Variants in TRMT2B observed in about 807,000 individuals in gnomAD.
The protein encoded by TRMT2B is tRNA methyltransferase 2B.
A neutral mutation model predicts 39.7 loss-of-function variants in TRMT2B; 34 were observed. The ratio of observed to expected loss-of-function variants is 0.86; its 90% confidence interval spans 0.65 to 1.14. TRMT2B has a LOEUF of 1.14. Ranked by LOEUF, TRMT2B falls within the 50% of genes most tolerant of loss-of-function variation. TRMT2B has a pLI of 0.00. For synonymous variants in TRMT2B, 132 were observed against 137.3 expected (o/e 0.96, Z 0.27); for missense variants, 318 against 377.2 (o/e 0.84, Z 1.30).
rs2086205627 is a variant in TRMT2B, at chrX:101,010,598, G to A, written c.1498C>T (p.Leu500Phe). ...GAGGCTGCTTATCGAGTAAAGAGGA[G>A]CACCAGCTCACAATGTGGGGTGTGA... ...FPHTPHCELV[L>F]LFTR The change falls in exon 14 of 14, where the codon CTC (leucine) becomes TTC (phenylalanine). Residue 500 changes from leucine (L) to phenylalanine (F), a missense_variant. Transcript: ENST00000372936. 4.1e-6 allele frequency: 5 copies of A among 1,209,359 alleles called. No homozygotes were observed. The highest frequency in any genetic ancestry group is 5.6e-6 in the Non-Finnish European group (5 of 895,004).
intron 6 of TRMT2B, among the ~76,000 whole-genome samples, chrX:101,036,444 C>CAAAA (rs776144105): frequency 6.0e-4 from 13 of 21,737 alleles, no homozygotes; most frequent in Non-Finnish European, 8.0e-4. Context: ...GACTCCATCT[C>CAAAA]AAAAAAAAAA....
the TRMT2B span, chrX:100,974,243 C>A: frequency 2.1e-6 from 2 of 967,363 alleles, no homozygotes; most frequent in Non-Finnish European, 1.4e-6. Flanking sequence ...CTCCCATGGA[C>A]CCCAGAATCC....
At chrX:101,038,755 T>A (rs955540122) in intron 4 of TRMT2B, among the ~76,000 whole-genome samples, 15 of 111,885 alleles carry the variant, frequency 1.3e-4, no homozygotes, top group East Asian at 2.8e-4. Flanking sequence ...AATACTTTTT[T>A]AATTTTTTTT....
intron 13 of TRMT2B, among the ~76,000 whole-genome samples, chrX:101,017,911 G>C (rs1318072109): frequency 8.9e-6 from 1 of 111,960 alleles, no homozygotes; most frequent in Admixed American, 9.6e-5. Context: ...TGTTCATCAT[G>C]AATTATTTTG....
chrX:101,039,897 T>TA (rs375388228), intron 4 of TRMT2B, among the ~76,000 whole-genome samples: 376 of 96,042 alleles, frequency 3.9e-3, no homozygotes, highest in African/African-American at 0.012. Flanking sequence ...AGACGCTATC[T>TA]AAAAAAAAAA....
At chrX:100,977,489 T>C in the TRMT2B span, among the ~76,000 whole-genome samples, 1 of 106,937 alleles carries the variant, frequency 9.4e-6, no homozygotes, top group East Asian at 3.0e-4. Context: ...CAAGCAATTC[T>C]CCTACCTCAG....
chrX:101,020,827 G>A (rs984543278), intron 10 of TRMT2B, among the ~76,000 whole-genome samples: 3 of 111,344 alleles, frequency 2.7e-5, no homozygotes, highest in Non-Finnish European at 5.7e-5. Context: ...ACGCCACTAT[G>A]CCCAGCTAAT....
At position 101,037,989 on chromosome X, in the gene TRMT2B, A is replaced by G. The variant is rs1316646270; in HGVS notation, c.366T>C (p.Asn122=). ...GTACAGCCGTTGTCACACTGACTCC[A>G]TTGAGCATTTGGATGTAAGACTCTA... is the stretch of plus-strand genomic sequence containing the variant. ...QRLESYIQML[N]GVSVTTAVPK... Residue 122 remains asparagine, a synonymous_variant, in exon 5 of 14, where the codon AAT becomes AAC. Transcript: ENST00000372936. 3 of 1,209,158 alleles carry G rather than the reference A, an allele frequency of 2.5e-6. No individual in the cohort carries two copies. The highest frequency in any genetic ancestry group is 3.5e-5 in the African/African-American group (2 of 57,670).
At chrX:100,996,148 G>A in the TRMT2B span, among the ~76,000 whole-genome samples, 1 of 109,710 alleles carries the variant, frequency 9.1e-6, no homozygotes, top group Non-Finnish European at 1.9e-5. Flanking sequence ...AGGTCATTAT[G>A]TTAAATGAAA....
At position 101,051,930 on chromosome X, in the gene TRMT2B, G is replaced by A. The variant is rs1441303928; in HGVS notation, c.-620C>T. 1 of 122,210 alleles carries A rather than the reference G, an allele frequency of 8.2e-6. No individual in the cohort carries two copies. The highest frequency in any genetic ancestry group is 3.2e-5 in the African/African-American group (1 of 30,981). 10.1% of individuals were successfully genotyped at this position (122,210 alleles called of 1,213,427 possible). On this transcript the variant is annotated 5_prime_UTR_variant, in exon 1 of 14. Coordinates refer to ENST00000372936, the MANE Select transcript of TRMT2B (RefSeq NM_024917.6). ...CCCGCCGCACGCGCAGCCAACCCTT[G>A]GCAAGCGCGGCGGGACACGGGGCTC...
At chrX:100,990,764 A>AT in the TRMT2B span, 4 of 443,100 alleles carry the variant, frequency 9.0e-6, no homozygotes, top group Non-Finnish European at 1.5e-5. Context: ...AGAAATAAGT[A>AT]TTTTTTTCTT....
downstream of TRMT2B, among the ~76,000 whole-genome samples, chrX:101,005,931 A>T (rs746648823): frequency 2.0e-5 from 2 of 101,123 alleles, no homozygotes; most frequent in South Asian, 9.4e-4. Context: ...AAAAAGAAAA[A>T]GAATGTGGGC....
the TRMT2B span, among the ~76,000 whole-genome samples, chrX:100,977,212 T>C: frequency 9.0e-6 from 1 of 111,062 alleles, no homozygotes; most frequent in African/African-American, 3.3e-5. Context: ...TCACTTACTC[T>C]AAATGTACAA....
intron 8 of TRMT2B, among the ~76,000 whole-genome samples, chrX:101,022,666 G>T (rs920512691): frequency 5.5e-5 from 6 of 109,032 alleles, no homozygotes; most frequent in Non-Finnish European, 9.5e-5. Context: ...GTGTGGTGAC[G>T]TATGCCTGTA....
At position 101,037,063 on chromosome X, in the gene TRMT2B, T is replaced by C. The variant is rs758839212; in HGVS notation, c.449A>G (p.Asn150Ser). The C allele has an allele frequency of 4.0e-5, 48 of 1,205,841 alleles. No homozygotes were observed. Among genetic ancestry groups the C allele is most frequent in the Admixed American group, 1.3e-4 (6 of 45,543 alleles). ...LHPIIPSPVI[N>S]GYRNKSTFSV... is the part of the protein sequence containing the mutation. ...GAAGGTGGACTTATTTCGGTAACCATTGATGACAGGCTGGAGAGGGCAGAA... is the reference window on the plus strand; with the variant it reads ...GAAGGTGGACTTATTTCGGTAACCACTGATGACAGGCTGGAGAGGGCAGAA... Residue 150 changes from asparagine to serine, a missense_variant, in exon 6 of 14, where the codon AAT (asparagine) becomes AGT (serine). Physicochemically the swap from Asn to Ser is conservative, Grantham distance 46 (BLOSUM62 1). Coordinates refer to ENST00000372936, the MANE Select transcript of TRMT2B (RefSeq NM_024917.6).
the TRMT2B span, chrX:100,990,908 G>A: frequency 2.8e-5 from 5 of 177,620 alleles, no homozygotes; most frequent in Non-Finnish European, 4.2e-5. Flanking sequence ...TGTCTGTGAA[G>A]CCCAGAACAA....
intron 7 of TRMT2B, among the ~76,000 whole-genome samples, chrX:101,025,768 G>A (rs1469673488): frequency 4.5e-5 from 5 of 110,745 alleles, no homozygotes; most frequent in Non-Finnish European, 1.9e-5. Context: ...AGACCAGCCT[G>A]ACCAACATGG....
chrX:101,031,711 GAA>G (rs35274868), intron 7 of TRMT2B, among the ~76,000 whole-genome samples: 186 of 84,034 alleles, frequency 2.2e-3, no homozygotes, highest in Middle Eastern at 6.3e-3. Flanking sequence ...TCTGTCGTAG[GAA>G]AAAAAAAAAA....
At chrX:101,012,453 C>T (rs772764383) in intron 13 of TRMT2B, among the ~76,000 whole-genome samples, 1 of 105,316 alleles carries the variant, frequency 9.5e-6, no homozygotes, top group Admixed American at 1.0e-4. Flanking sequence ...GGTATATCTC[C>T]CAATGCTATC....
Sources: gnomAD v4.1 joint callset for allele counts (sites outside exome capture counted in the v4.1 genomes callset) on GRCh38, gnomAD v4.1.1 for gene constraint, MANE v1.5 for transcripts, NCBI Gene and HGNC (gene_info 2026-07-23, HGNC 2026-07-21) for gene names.